Variants in FMNL2 observed in about 807,000 individuals in gnomAD.
The protein encoded by FMNL2 is formin like 2, also known as formin-like protein 2.
FMNL2 carries 51 observed loss-of-function variants against 130.2 expected under a neutral mutation model. The ratio of observed to expected loss-of-function variants is 0.39; its 90% CI spans 0.31 to 0.49. FMNL2 has a LOEUF of 0.49. Among genes scored for constraint, FMNL2 ranks in the 20% least tolerant of loss-of-function variants. The pLI is 0.85. For synonymous variants in FMNL2, 465 were observed against 467.1 expected, an observed-to-expected ratio of 1.00 and a Z score of 0.06; for missense variants, 977 against 1,316.2, an observed-to-expected ratio of 0.74 and a Z score of 3.99.
intron 2 of FMNL2, among the ~76,000 whole-genome samples, chr2:152,530,404 C>T (rs1343334576): frequency 4.6e-5 from 7 of 152,110 alleles, no homozygotes; most frequent in African/African-American, 1.4e-4. Flanking sequence ...AGAAGTTGTA[C>T]AGCAAGTGCT....
chr2:152,455,364 T>C (rs1688891476), intron 1 of FMNL2, among the ~76,000 whole-genome samples: 1 of 152,094 alleles, frequency 6.6e-6, no homozygotes, highest in Non-Finnish European at 1.5e-5. Context: ...GGAAGGATGA[T>C]GTGAACGAAA....
intron 1 of FMNL2, among the ~76,000 whole-genome samples, chr2:152,502,148 GC>G (rs1418409160): frequency 6.6e-6 from 1 of 152,174 alleles, no homozygotes; most frequent in Non-Finnish European, 1.5e-5. Flanking sequence ...ACAGAGTTTT[GC>G]TTGAGGATGT....
At chr2:152,600,560 C>G (rs958950119) in intron 9 of FMNL2, among the ~76,000 whole-genome samples, 1 of 152,078 alleles carries the variant, frequency 6.6e-6, no homozygotes, top group Non-Finnish European at 1.5e-5. Context: ...TTTTGTAAAA[C>G]CATCTCCTCT....
chr2:152,629,543 T>C, intron 18 of FMNL2, 113 bp from the exon 19 acceptor site: 2 of 906,316 alleles, frequency 2.2e-6, no homozygotes, highest in South Asian at 3.2e-5. Context: ...CCATGAAGCC[T>C]GTATGCTCTA....
At chr2:152,527,293 A>G (rs539908934) in intron 2 of FMNL2, among the ~76,000 whole-genome samples, 2 of 152,296 alleles carry the variant, frequency 1.3e-5, no homozygotes, top group East Asian at 1.9e-4. Flanking sequence ...TGACAACTTG[A>G]TGGCCCCATT....
At chr2:152,337,879 C>G (rs1023743984) in intron 1 of FMNL2, among the ~76,000 whole-genome samples, 1 of 152,164 alleles carries the variant, frequency 6.6e-6, no homozygotes, top group African/African-American at 2.4e-5. Flanking sequence ...GAACCCTCTT[C>G]CTAGGGACGC....
chr2:152,618,951 G>A lies in FMNL2; in HGVS notation c.1420G>A (p.Glu474Lys). 1 of 1,614,046 alleles carries A rather than the reference G, an allele frequency of 6.2e-7. No homozygotes were observed. Among genetic ancestry groups the A allele is most frequent in the East Asian group, 2.2e-5 (1 of 44,890 alleles). The stretch of plus-strand genomic sequence containing the variant: ...GTCTACCCTGGAAAAAAAGATTCAT[G>A]AGCTAGAGAAACAAGGGACCATTAA... ...RQSTLEKKIH[E>K]LEKQGTIKIQ... Residue 474 changes from glutamate (E) to lysine (K), a missense_variant, in exon 14 of 26, where the codon GAG (glutamate) becomes AAG (lysine). Coordinates refer to ENST00000288670, the MANE Select transcript of FMNL2 (RefSeq NM_052905.4).
chr2:152,442,724 G>A (rs1051580241), intron 1 of FMNL2, among the ~76,000 whole-genome samples: 2 of 152,144 alleles, frequency 1.3e-5, no homozygotes, highest in Non-Finnish European at 2.9e-5. Context: ...GACCTTTAAT[G>A]TAGGAACAAT....
At chr2:152,485,988 G>T (rs563218429) in intron 1 of FMNL2, among the ~76,000 whole-genome samples, 1 of 152,236 alleles carries the variant, frequency 6.6e-6, no homozygotes, top group African/African-American at 2.4e-5. Context: ...TGTATAATTG[G>T]CAAACTTCTC....
intron 9 of FMNL2, among the ~76,000 whole-genome samples, chr2:152,588,112 T>C (rs1457647746): frequency 1.3e-5 from 2 of 152,234 alleles, no homozygotes; most frequent in African/African-American, 4.8e-5. Flanking sequence ...ACTTAGTGGC[T>C]TAAACCAACA....
intron 1 of FMNL2, among the ~76,000 whole-genome samples, chr2:152,400,445 A>C (rs1579574343): frequency 9.1e-6 from 1 of 110,448 alleles, no homozygotes; most frequent in Admixed American, 7.9e-5. Context: ...TCAAAAAAAC[A>C]AAAAAAATAA....
intron 1 of FMNL2, among the ~76,000 whole-genome samples, chr2:152,355,788 G>A (rs956785016): frequency 6.6e-6 from 1 of 152,146 alleles, no homozygotes; most frequent in African/African-American, 2.4e-5. Flanking sequence ...TCTACAACAT[G>A]TTGCTCTGTA....
At chr2:152,582,813 T>C (rs1032802585) in intron 9 of FMNL2, among the ~76,000 whole-genome samples, 1 of 152,212 alleles carries the variant, frequency 6.6e-6, no homozygotes, top group Non-Finnish European at 1.5e-5. Flanking sequence ...GCTGAGTACT[T>C]TTCACATTGG....
intron 21 of FMNL2, among the ~76,000 whole-genome samples, chr2:152,635,825 C>T (rs765094603): frequency 2.6e-5 from 4 of 152,218 alleles, no homozygotes; most frequent in Non-Finnish European, 4.4e-5. Context: ...GTAATCAATA[C>T]AACCTATGGT....
chr2:152,528,100 A>G (rs1693488327), intron 2 of FMNL2, among the ~76,000 whole-genome samples: 1 of 152,164 alleles, frequency 6.6e-6, no homozygotes, highest in Non-Finnish European at 1.5e-5. Flanking sequence ...TTCTTTTACA[A>G]TGAAATGTTT....
intron 1 of FMNL2, among the ~76,000 whole-genome samples, chr2:152,458,739 G>A (rs1280546076): frequency 6.6e-6 from 1 of 152,190 alleles, no homozygotes; most frequent in African/African-American, 2.4e-5. Flanking sequence ...GGTATAGGTG[G>A]CCCCACGTGA....
intron 1 of FMNL2, among the ~76,000 whole-genome samples, chr2:152,432,506 C>T (rs1558859303): frequency 6.6e-6 from 1 of 152,174 alleles, no homozygotes; most frequent in African/African-American, 2.4e-5. Context: ...GGCTGCCTCC[C>T]GTTCCTTTCC....
Position 152,544,778 on chromosome 2 carries a change from T to C in FMNL2, c.282+1959T>C, listed in dbSNP as rs921350273. 2.6e-5 allele frequency among the ~76,000 whole-genome samples: 4 copies of C among 152,246 alleles called. No homozygotes were observed. In the East Asian group the frequency reaches 7.7e-4, roughly 29 times the overall value. ...TAGGGAGTGCTGCTTAGGCCCCCAC[T>C]TCCATACCCCACATGGAGGAAGATG... On this transcript the variant is annotated intron_variant, in intron 3 of 25. Coordinates refer to ENST00000288670, the MANE Select transcript of FMNL2 (RefSeq NM_052905.4).
intron 15 of FMNL2, among the ~76,000 whole-genome samples, chr2:152,624,531 A>T (rs3845678): frequency 6.6e-6 from 1 of 151,092 alleles, no homozygotes; most frequent in Non-Finnish European, 1.5e-5. Context: ...CCCTTTTTTC[A>T]CTCTGTTGTC....
Sources: allele counts gnomAD v4.1 joint callset (sites outside exome capture counted in the v4.1 genomes callset), GRCh38; gene constraint gnomAD v4.1.1; transcripts MANE v1.5; gene names NCBI Gene and HGNC (gene_info 2026-07-23, HGNC 2026-07-21).